The following AP1G1 variants were observed in gnomAD, a reference collection of about 807,000 sequenced individuals.
AP1G1 encodes adaptor related protein complex 1 subunit gamma 1, also known as AP-1 complex subunit gamma-1.
AP1G1 carries 7 observed loss-of-function variants against 108.3 expected under a neutral mutation model. The observed-to-expected ratio is 0.06, with a 90% CI of 0.04 to 0.12. The LOEUF is 0.12. Among genes scored for constraint, AP1G1 ranks in the 10% least tolerant of loss-of-function variants. AP1G1 has a pLI of 1.00. For missense variants in AP1G1, 756 were observed against 1,010.7 expected (o/e 0.75, Z 3.42); for synonymous variants, 379 against 353.5 (o/e 1.07, Z -0.81).
At chr16:71,734,555 CG>C in intron 22 of AP1G1, 53 bp downstream of exon 22, 1 of 1,404,380 alleles carries the variant, frequency 7.1e-7, no homozygotes, top group Non-Finnish European at 1.0e-6. Flanking sequence ...AATTTTATTT[CG>C]GGAAATATGC....
chr16:71,781,649 C>G (rs1047540321), intron 2 of AP1G1, among the ~76,000 whole-genome samples: 1 of 152,068 alleles, frequency 6.6e-6, no homozygotes, highest in Admixed American at 6.6e-5. Context: ...TTGAGTATTA[C>G]TCACATCAAG....
chr16:71,782,118 T>A (rs1037485485), intron 2 of AP1G1, among the ~76,000 whole-genome samples: 7 of 152,204 alleles, frequency 4.6e-5, no homozygotes, highest in Non-Finnish European at 8.8e-5. Context: ...GGCCATACTA[T>A]TGCTAAGGAA....
At chr16:71,766,351 C>T in intron 6 of AP1G1, 1 of 398,408 alleles carries the variant, frequency 2.5e-6, no homozygotes, top group Non-Finnish European at 5.2e-6. Context: ...CCTTCCTATC[C>T]TTCCTTTACT....
rs112000545 is a variant in AP1G1, at chr16:71,774,285, G to A, written c.326+183C>T. ...CCCAGCTACGCAGGAGGCTGAGGCA[G>A]GAGAATCACTTCAACCAGACTGGCA... On this transcript the variant is annotated intron_variant, in intron 3 of 22. Coordinates refer to ENST00000299980, the MANE Select transcript of AP1G1 (RefSeq NM_001128.6). 8.6e-4 allele frequency: 503 copies of A among 586,344 alleles called. 4 individuals carry two copies. The African/African-American group carries it at 9.1e-3, about 11-fold the overall frequency. The allele number at this position is 586,344 out of a possible 1,614,324, so 36.3% of individuals were successfully genotyped here.
At chr16:71,763,225 G>A (rs1208180206) in intron 9 of AP1G1, among the ~76,000 whole-genome samples, 1 of 152,178 alleles carries the variant, frequency 6.6e-6, no homozygotes, top group African/African-American at 2.4e-5. Context: ...GTGAAGTGTT[G>A]AATGATTGTG....
At chr16:71,771,720 A>C (rs1397776964) in intron 4 of AP1G1, among the ~76,000 whole-genome samples, 1 of 152,222 alleles carries the variant, frequency 6.6e-6, no homozygotes, top group Non-Finnish European at 1.5e-5. Flanking sequence ...ATTTATGTGG[A>C]GTTTTAAGGA....
At chr16:71,767,558 T>A (rs1325610013) in intron 6 of AP1G1, among the ~76,000 whole-genome samples, 2 of 152,182 alleles carry the variant, frequency 1.3e-5, no homozygotes, top group East Asian at 3.9e-4. Context: ...TCCAGACTAA[T>A]CTGGAATTGC....
chr16:71,794,055 G>A (rs1295539165), intron 1 of AP1G1, among the ~76,000 whole-genome samples: 2 of 152,166 alleles, frequency 1.3e-5, no homozygotes, highest in Admixed American at 6.6e-5. Context: ...GATTCTCCAA[G>A]AAGTGGTTAA....
At chr16:71,747,883 T>C (rs2030268181) in intron 16 of AP1G1, among the ~76,000 whole-genome samples, 3 of 152,130 alleles carry the variant, frequency 2.0e-5, no homozygotes, top group South Asian at 4.1e-4. Flanking sequence ...CTCTGGAGGC[T>C]GAGACAGGAA....
At chr16:71,803,683 G>C (rs1172426400) in intron 1 of AP1G1, among the ~76,000 whole-genome samples, 2 of 152,150 alleles carry the variant, frequency 1.3e-5, no homozygotes, top group Non-Finnish European at 2.9e-5. Flanking sequence ...CCAGCACTTT[G>C]GGAGGCCAAG....
At chr16:71,802,168 G>C (rs1304836311) in intron 1 of AP1G1, among the ~76,000 whole-genome samples, 1 of 152,162 alleles carries the variant, frequency 6.6e-6, no homozygotes, top group African/African-American at 2.4e-5. Context: ...AGTTCCATTA[G>C]TGTTTTTACA....
rs1555550846 is a variant in AP1G1 at position 71,736,117 on chromosome 16, A to AAAAAAAAAAT, written c.2269-1411_2269-1410insATTTTTTTTT. Among the ~76,000 whole-genome samples the AAAAAAAAAAT allele has an allele frequency of 4.5e-4, 32 of 71,634 alleles. 1 individual carries two copies. The highest frequency in any genetic ancestry group is 5.3e-4 in the South Asian group (1 of 1,894). The allele number at this position is 71,634 out of a possible 152,430, so 47.0% of individuals were successfully genotyped here. ...CCATCTCAAAAAAAAAAAAAAAAAA[A>AAAAAAAAAAT]ATATATATATATATATATATATATA... is the stretch of plus-strand genomic sequence containing the variant. On this transcript the variant is annotated intron_variant, in intron 21 of 22. Transcript: ENST00000299980.
intron 1 of AP1G1, chr16:71,807,974 T>A: frequency 1.6e-6 from 2 of 1,239,622 alleles, no homozygotes; most frequent in Non-Finnish European, 1.0e-6. Flanking sequence ...CAAAAGCCAT[T>A]TAATCTGCTT....
chr16:71,745,562 G>C lies in AP1G1; in HGVS notation c.1783C>G (p.Pro595Ala), dbSNP rs2030129615. The change falls in exon 18 of 23, where the codon CCT becomes GCT. Residue 595 changes from proline to alanine, a missense_variant. Physicochemically the swap from Pro to Ala is conservative, Grantham distance 27. This residue lies in a region of AP1G1 where 357 missense variants were observed against 366.5 expected (regional missense o/e 0.97). Coordinates refer to ENST00000299980, the MANE Select transcript of AP1G1 (RefSeq NM_001128.6). ...CCATTTGTCTGCACAATCTCAGTAG[G>C]GCCATTTGTGGTCACTTTTTCCATG... is the stretch of plus-strand genomic sequence containing the variant. Reference protein sequence around the residue: ...PVMEKVTTNGPTEIVQTNGET... With the variant: ...PVMEKVTTNGATEIVQTNGET... The C allele has an allele frequency of 2.5e-6, 4 of 1,614,008 alleles. No homozygotes were observed. The African/African-American group carries it at 5.3e-5, about 22-fold the overall frequency.
At chr16:71,755,890 TG>T in intron 12 of AP1G1, 128 bp downstream of exon 12, 2 of 947,376 alleles carry the variant, frequency 2.1e-6, no homozygotes, top group Non-Finnish European at 3.1e-6. Context: ...ATGATCCACC[TG>T]CCTTGGCCTC....
At chr16:71,742,869 A>C (rs1345812724) in intron 19 of AP1G1, 2 of 152,018 alleles carry the variant, frequency 1.3e-5, no homozygotes, top group African/African-American at 4.8e-5. Context: ...GCTACTCGGG[A>C]GGCTGAGGCA....
intron 19 of AP1G1, chr16:71,743,121 T>C (rs1034778847): frequency 6.6e-6 from 1 of 152,224 alleles, no homozygotes; most frequent in South Asian, 2.1e-4. Context: ...AGGTGAAGTA[T>C]ATGCTATGGT....
At chr16:71,751,276 G>C (rs1481099491) in intron 13 of AP1G1, 1 of 151,756 alleles carries the variant, frequency 6.6e-6, no homozygotes, top group Non-Finnish European at 1.5e-5. Flanking sequence ...TTGAGGCCAG[G>C]AGTTTGACAC....
intron 1 of AP1G1, among the ~76,000 whole-genome samples, chr16:71,807,607 G>A (rs1427148713): frequency 6.6e-6 from 1 of 152,132 alleles, no homozygotes; most frequent in Non-Finnish European, 1.5e-5. Flanking sequence ...AGGGAACGGT[G>A]GAAGTGAATA....
Sources: allele counts gnomAD v4.1 joint callset (sites outside exome capture counted in the v4.1 genomes callset), GRCh38; gene constraint gnomAD v4.1.1; regional missense constraint gnomAD v4.1.1; transcripts MANE v1.5; gene names NCBI Gene and HGNC (gene_info 2026-07-23, HGNC 2026-07-21).